SPATA17: variants seen among roughly 807,000 people sequenced by gnomAD.
The protein encoded by SPATA17 is spermatogenesis associated 17.
SPATA17 carries 53 observed loss-of-function variants against 62.2 expected under a neutral mutation model. The observed-to-expected ratio is 0.85, with a 90% confidence interval of 0.68 to 1.07. The LOEUF is 1.07. SPATA17 is among the 50% of genes least tolerant of loss of function. The probability of loss-of-function intolerance (pLI) is 0.00; values close to 1 mark genes in which losing one functional copy is unlikely to be tolerated. For missense variants in SPATA17, 466 were observed against 425.5 expected (o/e 1.10, Z -0.84); for synonymous variants, 146 against 146.8 (o/e 0.99, Z 0.04).
At chr1:217,858,337 T>C (rs563408508) in intron 9 of SPATA17, among the ~76,000 whole-genome samples, 8 of 152,270 alleles carry the variant, frequency 5.3e-5, no homozygotes, top group African/African-American at 1.9e-4. Context: ...AGGTATAATA[T>C]GAATAGACTT....
chr1:217,837,434 A>G (rs2103004957), intron 9 of SPATA17, among the ~76,000 whole-genome samples: 1 of 152,206 alleles, frequency 6.6e-6, no homozygotes, highest in South Asian at 2.1e-4. Flanking sequence ...CTGTGGGGTA[A>G]TTTGGGGGTG....
chr1:217,749,069 G>A lies in SPATA17; in HGVS notation c.519+6971G>A, dbSNP rs139525539. 5.9e-5 allele frequency among the ~76,000 whole-genome samples: 9 copies of A among 152,268 alleles called. No individual in the cohort carries two copies. In the Middle Eastern group the frequency reaches 0.01, roughly 173 times the overall value. On this transcript the variant is annotated intron_variant, in intron 6 of 10. Transcript: ENST00000366933. ...GCACATTACATTTGTGTGGGTATGT[G>A]TATCTATGTGCCATATGTCTTTGTA...
At position 217,712,850 on chromosome 1, in the gene SPATA17, G is replaced by A. The variant is rs74832227; in HGVS notation, c.396-29125G>A. Among the ~76,000 whole-genome samples, 1,253 of 152,134 alleles carry A rather than the reference G, an allele frequency of 8.2e-3. 10 individuals carry two copies. The highest frequency in any genetic ancestry group is 0.027 in the African/African-American group (1,123 of 41,488). ...TGGCATCCAGAGACCAGCAGCACTC[G>A]GAAGGTGTTCCTACTGGCAGAGTTG... On this transcript the variant is annotated intron_variant, in intron 5 of 10. Coordinates refer to ENST00000366933, the MANE Select transcript of SPATA17 (RefSeq NM_138796.4).
At chr1:217,847,436 G>A (rs1169496086) in intron 9 of SPATA17, among the ~76,000 whole-genome samples, 1 of 152,048 alleles carries the variant, frequency 6.6e-6, no homozygotes, top group African/African-American at 2.4e-5. Flanking sequence ...TTCTTAATTT[G>A]ATTTAGTTGG....
At chr1:217,701,317 G>A (rs892177191) in intron 5 of SPATA17, among the ~76,000 whole-genome samples, 4 of 151,296 alleles carry the variant, frequency 2.6e-5, no homozygotes, top group East Asian at 3.9e-4. Flanking sequence ...GTGTGTGTGT[G>A]TATATATATG....
chr1:217,650,912 A>G (rs1021805257), intron 2 of SPATA17, among the ~76,000 whole-genome samples, 185 bp from the exon 3 acceptor site: 1 of 152,224 alleles, frequency 6.6e-6, no homozygotes, highest in Admixed American at 6.5e-5. Context: ...ATAGTTACCA[A>G]TGCCGTTTTC....
Position 217,851,878 on chromosome 1 carries a change from G to C in SPATA17, c.1006-10896G>C, listed in dbSNP as rs544159516. Among the ~76,000 whole-genome samples the C allele has an allele frequency of 9.8e-5, 15 of 152,294 alleles. No homozygotes were observed. In the South Asian group the frequency reaches 3.1e-3, roughly 32 times the overall value. ...TGCACATTTAAAGACTTTAAGATAAGTCTAAAGTTGCCCTTCATTTGTTAG... is the reference window on the plus strand; with the variant it reads ...TGCACATTTAAAGACTTTAAGATAACTCTAAAGTTGCCCTTCATTTGTTAG... On this transcript the variant is annotated intron_variant, in intron 9 of 10. Coordinates refer to ENST00000366933, the MANE Select transcript of SPATA17 (RefSeq NM_138796.4).
At chr1:217,792,132 CT>C (rs1341348241) in intron 8 of SPATA17, among the ~76,000 whole-genome samples, 7 of 152,062 alleles carry the variant, frequency 4.6e-5, no homozygotes, top group African/African-American at 1.7e-4. Context: ...TTGTGTTAGG[CT>C]GCATGTGGCC....
At chr1:217,857,664 C>T (rs1324636999) in intron 9 of SPATA17, among the ~76,000 whole-genome samples, 1 of 152,146 alleles carries the variant, frequency 6.6e-6, no homozygotes, top group Non-Finnish European at 1.5e-5. Flanking sequence ...AAATTTTAAA[C>T]AAATGCTAAT....
intron 5 of SPATA17, among the ~76,000 whole-genome samples, chr1:217,717,173 A>G (rs1672023600): frequency 6.6e-6 from 1 of 151,670 alleles, no homozygotes; most frequent in Non-Finnish European, 1.5e-5. Context: ...CTAGAAAACT[A>G]AAAACTCACT....
At chr1:217,650,845 A>T (rs1014051855) in intron 2 of SPATA17, among the ~76,000 whole-genome samples, 2 of 152,252 alleles carry the variant, frequency 1.3e-5, no homozygotes, top group African/African-American at 4.8e-5. Flanking sequence ...AAGAGTAAGT[A>T]TTGAAGAAGA....
chr1:217,868,428 A>G lies in SPATA17; in HGVS notation c.*1409A>G, dbSNP rs1024015216. ...ATTGTAAGTTAAAAATGCATTTAAT[A>G]CAGCTAACTTACCAGACAGCTTAGC... On this transcript the variant is annotated 3_prime_UTR_variant, in exon 11 of 11. Coordinates refer to ENST00000366933, the MANE Select transcript of SPATA17 (RefSeq NM_138796.4). 2.0e-5 allele frequency: 3 copies of G among 152,190 alleles called. No individual in the cohort carries two copies. The allele number at this position is 152,190 out of a possible 1,614,324, so 9.4% of individuals were successfully genotyped here. A position where few individuals can be genotyped will look rare whatever the true frequency, so the allele number is the denominator to read the frequency against.
rs1252730226 is a variant in SPATA17, at chr1:217,646,823, G to A, written c.69-2059G>A. Among the ~76,000 whole-genome samples the A allele has an allele frequency of 3.3e-5, 5 of 151,666 alleles. No individual in the cohort carries two copies. The South Asian group carries it at 1.0e-3, about 32-fold the overall frequency. Reference sequence around the variant, plus strand: ...GCAGAAGAATCACTTGAACCCGGGAGGCGGAGATTGCAGTGAGCCGAGATC... The same window carrying A: ...GCAGAAGAATCACTTGAACCCGGGAAGCGGAGATTGCAGTGAGCCGAGATC... On this transcript the variant is annotated intron_variant, in intron 1 of 10. Coordinates refer to ENST00000366933, the MANE Select transcript of SPATA17 (RefSeq NM_138796.4).
intron 3 of SPATA17, among the ~76,000 whole-genome samples, chr1:217,653,934 A>G (rs751526007): frequency 2.6e-5 from 4 of 152,122 alleles, no homozygotes; most frequent in Non-Finnish European, 5.9e-5. Flanking sequence ...CAGAATTTTT[A>G]TTTCACATTT....
intron 9 of SPATA17, among the ~76,000 whole-genome samples, chr1:217,814,083 G>T (rs1240988931): frequency 6.6e-6 from 1 of 152,032 alleles, no homozygotes; most frequent in African/African-American, 2.4e-5. Flanking sequence ...ACTTGTGAAT[G>T]AAAATAATAT....
At chr1:217,633,290 A>G (rs1669862069) in intron 1 of SPATA17, among the ~76,000 whole-genome samples, 1 of 152,120 alleles carries the variant, frequency 6.6e-6, no homozygotes, top group African/African-American at 2.4e-5. Context: ...TTTTTTGAGG[A>G]CTGATTATAT....
rs192652017 is a variant in SPATA17, at chr1:217,774,514, C to T, written c.700C>T (p.Pro234Ser). 545 of 1,613,820 alleles carry T rather than the reference C, an allele frequency of 3.4e-4. 1 individual carries two copies. The highest frequency in any genetic ancestry group is 1.8e-3 in the Middle Eastern group (11 of 6,060). ...TTTTCCTCGGTCTGAAATTCTACCA[C>T]CTATTAATAGAAAGCAATGTCAGGT... ...RSFPRSEILP[P>S]INRKQCQGPF... Residue 234 changes from proline to serine, a missense_variant, in exon 7 of 11, where the codon CCT (proline) becomes TCT (serine). Physicochemically the swap from Pro to Ser is moderately conservative, Grantham distance 74. Coordinates refer to ENST00000366933, the MANE Select transcript of SPATA17 (RefSeq NM_138796.4).
chr1:217,700,563 G>T (rs1671570895), intron 5 of SPATA17, among the ~76,000 whole-genome samples: 1 of 151,916 alleles, frequency 6.6e-6, no homozygotes, highest in Non-Finnish European at 1.5e-5. Context: ...AATGTGACCT[G>T]TCAGTTTATA....
intron 8 of SPATA17, among the ~76,000 whole-genome samples, chr1:217,796,933 A>C (rs1375198433): frequency 2.0e-5 from 3 of 152,214 alleles, no homozygotes; most frequent in African/African-American, 7.2e-5. Context: ...ATTCTGTGTC[A>C]TAAAGGACAA....
Sources: allele counts gnomAD v4.1 joint callset (sites outside exome capture counted in the v4.1 genomes callset), GRCh38; gene constraint gnomAD v4.1.1; transcripts MANE v1.5; gene names NCBI Gene and HGNC (gene_info 2026-07-23, HGNC 2026-07-21).